PCSK2: variants seen among roughly 807,000 people sequenced by gnomAD.
The protein encoded by PCSK2 is neuroendocrine convertase 2.
In PCSK2, 14 loss-of-function variants were observed where a neutral mutation model predicts 69.7. The observed-to-expected ratio is 0.20, with a 90% CI of 0.13 to 0.31. The LOEUF is 0.31. PCSK2 is among the 10% of genes least tolerant of loss of function. The probability of loss-of-function intolerance (pLI) is 1.00; values close to 1 mark genes in which losing one functional copy is unlikely to be tolerated. For missense variants in PCSK2, 544 were observed against 842.5 expected (o/e 0.65, Z 4.39); for synonymous variants, 307 against 320.7 (o/e 0.96, Z 0.46).
intron 1 of PCSK2, among the ~76,000 whole-genome samples, chr20:17,239,786 T>C (rs1211921579): frequency 6.7e-6 from 1 of 149,474 alleles, no homozygotes; most frequent in Non-Finnish European, 1.5e-5. Flanking sequence ...TCAATCTTAC[T>C]GGCCTAAGAT....
At chr20:17,259,035 A>G (rs1987280088) in intron 1 of PCSK2, among the ~76,000 whole-genome samples, 1 of 151,906 alleles carries the variant, frequency 6.6e-6, no homozygotes, top group South Asian at 2.1e-4. Context: ...ATTCTTTAAG[A>G]AATATTTGAG....
At chr20:17,317,441 G>A (rs1989723094) in intron 2 of PCSK2, among the ~76,000 whole-genome samples, 8 of 152,152 alleles carry the variant, frequency 5.3e-5, no homozygotes, top group Admixed American at 4.6e-4. Flanking sequence ...ACTGGAGTGG[G>A]CATAATTTCC....
chr20:17,320,997 A>T (rs781257559), intron 2 of PCSK2, among the ~76,000 whole-genome samples: 1 of 152,224 alleles, frequency 6.6e-6, no homozygotes, highest in East Asian at 1.9e-4. Flanking sequence ...GGCATCAAAC[A>T]GCCCTGTCGG....
chr20:17,472,257 T>C (rs1158044946), intron 11 of PCSK2, among the ~76,000 whole-genome samples: 11 of 152,332 alleles, frequency 7.2e-5, no homozygotes. Context: ...CTCTGAAGTT[T>C]AAGTGAATTT....
intron 2 of PCSK2, among the ~76,000 whole-genome samples, chr20:17,294,513 C>T (rs1294531412): frequency 6.6e-6 from 1 of 152,166 alleles, no homozygotes; most frequent in Non-Finnish European, 1.5e-5. Context: ...TTCTCCTGCC[C>T]TCACACATGA....
chr20:17,235,564 GTGT>G (rs774024827), intron 1 of PCSK2, among the ~76,000 whole-genome samples: 3 of 152,124 alleles, frequency 2.0e-5, no homozygotes, highest in Non-Finnish European at 4.4e-5. Context: ...CATTTGCAAA[GTGT>G]TGTAAGTCAT....
chr20:17,249,998 A>G (rs1986914677), intron 1 of PCSK2, among the ~76,000 whole-genome samples: 1 of 152,214 alleles, frequency 6.6e-6, no homozygotes, highest in African/African-American at 2.4e-5. Flanking sequence ...AGTTGATGTT[A>G]TATATATTTA....
At chr20:17,318,468 AC>A (rs1230765684) in intron 2 of PCSK2, among the ~76,000 whole-genome samples, 1 of 152,262 alleles carries the variant, frequency 6.6e-6, no homozygotes. Context: ...ATGAAAAACA[AC>A]ATTACCAGCC....
At chr20:17,278,836 A>G (rs951890541) in intron 2 of PCSK2, among the ~76,000 whole-genome samples, 1 of 151,810 alleles carries the variant, frequency 6.6e-6, no homozygotes, top group Non-Finnish European at 1.5e-5. Context: ...GCAACAGAGC[A>G]AGACCTCTGT....
In PCSK2 at chr20:17,277,632, G is replaced by A. The variant is rs112956439; in HGVS notation, c.282+17288G>A. Among the ~76,000 whole-genome samples the A allele has an allele frequency of 5.3e-3, 777 of 147,660 alleles. 10 individuals are homozygous for A. Among genetic ancestry groups the A allele is most frequent in the African/African-American group, 0.018 (734 of 40,662 alleles). On this transcript the variant is annotated intron_variant, in intron 2 of 11. Transcript: ENST00000262545. ...ATAAAAACCCTAGAAGAAAACCTAG[G>A]CAATACCATTCAGGACATAGGCATG...
At chr20:17,317,848 T>A (rs1054724474) in intron 2 of PCSK2, among the ~76,000 whole-genome samples, 8 of 152,068 alleles carry the variant, frequency 5.3e-5, no homozygotes, top group East Asian at 3.8e-4. Flanking sequence ...AATAATTTTT[T>A]AAAAAAAGAT....
chr20:17,365,230 C>A (rs543035123), intron 4 of PCSK2, among the ~76,000 whole-genome samples: 1 of 152,116 alleles, frequency 6.6e-6, no homozygotes, highest in South Asian at 2.1e-4. Flanking sequence ...ACAAACACTG[C>A]GTCCTCCCCT....
At position 17,324,112 on chromosome 20, in the gene PCSK2, T is replaced by C. The variant is rs74696553; in HGVS notation, c.283-34215T>C. 3.7e-3 allele frequency among the ~76,000 whole-genome samples: 570 copies of C among 152,358 alleles called. 5 individuals carry two copies. The highest frequency in any genetic ancestry group is 0.013 in the African/African-American group (546 of 41,582). Reference sequence around the variant, plus strand: ...ATTCCCCAATGGGATTGACACCTAGTTGTGGACAGTAGTAACAAGCCTGAT... The same window carrying C: ...ATTCCCCAATGGGATTGACACCTAGCTGTGGACAGTAGTAACAAGCCTGAT... On this transcript the variant is annotated intron_variant, in intron 2 of 11. Transcript: ENST00000262545.
intron 2 of PCSK2, among the ~76,000 whole-genome samples, chr20:17,337,844 T>C (rs1321471788): frequency 6.6e-6 from 1 of 151,182 alleles, no homozygotes; most frequent in Non-Finnish European, 1.5e-5. Flanking sequence ...CAGGAGAATT[T>C]CTTGAGCCTG....
intron 10 of PCSK2, among the ~76,000 whole-genome samples, chr20:17,459,723 A>G (rs2032981581): frequency 6.6e-6 from 1 of 152,182 alleles, no homozygotes; most frequent in Non-Finnish European, 1.5e-5. Flanking sequence ...CCCAAGCCTC[A>G]CCCAAGCCTC....
chr20:17,254,088 T>C (rs753820075), intron 1 of PCSK2, among the ~76,000 whole-genome samples: 14 of 152,234 alleles, frequency 9.2e-5, no homozygotes, highest in Non-Finnish European at 1.6e-4. Context: ...ATTGTAAACA[T>C]TTTTAAAACA....
intron 2 of PCSK2, among the ~76,000 whole-genome samples, chr20:17,279,400 T>G (rs1006109415): frequency 6.6e-6 from 1 of 152,226 alleles, no homozygotes; most frequent in Non-Finnish European, 1.5e-5. Context: ...CTTAGTTCTC[T>G]GCATTTTGTA....
At chr20:17,323,550 T>C (rs6111497) in intron 2 of PCSK2, among the ~76,000 whole-genome samples, 32,575 of 152,228 alleles carry the variant, frequency 0.21, 3,903 homozygotes, top group Middle Eastern at 0.3. Context: ...AAGCTATTAA[T>C]GTGGAGCCAG....
chr20:17,337,319 T>G (rs1238555842), intron 2 of PCSK2, among the ~76,000 whole-genome samples: 1 of 152,210 alleles, frequency 6.6e-6, no homozygotes, highest in Non-Finnish European at 1.5e-5. Context: ...GATTACTGCT[T>G]TCAACAGAAT....
Sources: gnomAD v4.1 joint callset for allele counts (sites outside exome capture counted in the v4.1 genomes callset) on GRCh38, gnomAD v4.1.1 for gene constraint, MANE v1.5 for transcripts, NCBI Gene and HGNC (gene_info 2026-07-23, HGNC 2026-07-21) for gene names.